The following MAST4 variants were observed in gnomAD, a reference collection of about 807,000 sequenced individuals.
The protein encoded by MAST4 is microtubule-associated serine/threonine-protein kinase 4.
Under a neutral mutation model 162.7 loss-of-function variants are expected in MAST4, and 89 were observed. The ratio of observed to expected loss-of-function variants is 0.55; its 90% CI spans 0.46 to 0.65. MAST4 has a LOEUF of 0.65. MAST4 is among the 30% of genes least tolerant of loss of function. The pLI is 0.00. For synonymous variants in MAST4, 1,479 were observed against 1,361.1 expected (o/e 1.09, Z -1.91); for missense variants, 3,153 against 3,374.0 (o/e 0.93, Z 1.62).
intron 3 of MAST4, among the ~76,000 whole-genome samples, chr5:66,872,493 T>C (rs1399663527): frequency 6.6e-6 from 1 of 152,114 alleles, no homozygotes; most frequent in African/African-American, 2.4e-5. Context: ...AATCCATAAA[T>C]ATATTACATT....
intron 1 of MAST4, among the ~76,000 whole-genome samples, chr5:66,722,250 C>T (rs1333980160): frequency 6.6e-6 from 1 of 152,144 alleles, no homozygotes; most frequent in Non-Finnish European, 1.5e-5. Flanking sequence ...CCGCTCCAGC[C>T]ATATGCTTTC....
At chr5:67,040,725 G>A (rs1397583810) in intron 4 of MAST4, among the ~76,000 whole-genome samples, 7 of 152,224 alleles carry the variant, frequency 4.6e-5, no homozygotes, top group African/African-American at 1.7e-4. Context: ...TAGTTACCAA[G>A]CTCATGTGAT....
intron 4 of MAST4, among the ~76,000 whole-genome samples, chr5:67,036,708 T>C (rs1756062002): frequency 6.6e-6 from 1 of 152,072 alleles, no homozygotes; most frequent in South Asian, 2.1e-4. Context: ...AAGAAAAAAA[T>C]TGTATGTGTT....
chr5:66,941,213 T>C (rs1381730758), intron 4 of MAST4, among the ~76,000 whole-genome samples: 1 of 152,120 alleles, frequency 6.6e-6, no homozygotes, highest in Non-Finnish European at 1.5e-5. Flanking sequence ...AGTCACCAGT[T>C]GCATTAGTTC....
intron 1 of MAST4, among the ~76,000 whole-genome samples, chr5:66,647,209 G>T (rs1394393995): frequency 6.6e-6 from 1 of 152,086 alleles, no homozygotes; most frequent in Non-Finnish European, 1.5e-5. Context: ...TTGGCTCCAG[G>T]ATCACTGATT....
intron 4 of MAST4, among the ~76,000 whole-genome samples, chr5:66,975,653 A>G (rs1748051857): frequency 6.6e-6 from 1 of 152,158 alleles, no homozygotes. Context: ...GAGAGTCAGA[A>G]CATGACCAGT....
intron 1 of MAST4, among the ~76,000 whole-genome samples, chr5:66,637,559 T>C (rs574623747): frequency 6.6e-6 from 1 of 152,228 alleles, no homozygotes; most frequent in Non-Finnish European, 1.5e-5. Context: ...ATTTTTAGAG[T>C]ATTGATGTAT....
chr5:66,956,009 G>T (rs1189991816), intron 4 of MAST4, among the ~76,000 whole-genome samples: 1 of 151,474 alleles, frequency 6.6e-6, no homozygotes, highest in Non-Finnish European at 1.5e-5. Flanking sequence ...TTTTGGTAAA[G>T]ACAGGGTCTT....
intron 1 of MAST4, among the ~76,000 whole-genome samples, chr5:66,643,878 G>GTTTTTTTTTTTT (rs71610525): frequency 1.4e-5 from 2 of 141,966 alleles, no homozygotes; most frequent in Non-Finnish European, 1.5e-5. Flanking sequence ...AATAGCTTGT[G>GTTTTTTTTTTTT]TTTTTTTTTT....
Position 66,975,774 on chromosome 5 carries a change from A to T in MAST4, c.674+75792A>T, listed in dbSNP as rs188115086. On this transcript the variant is annotated intron_variant, in intron 4 of 28. Transcript: ENST00000403625. ...TTTGGGAGGCCGAAGCAGGTGGATC[A>T]CCTGAGGTCAGGAGTTCAAGACCAG... Among the ~76,000 whole-genome samples, 727 of 152,174 alleles carry T rather than the reference A, an allele frequency of 4.8e-3. 6 individuals carry two copies. Among genetic ancestry groups the T allele is most frequent in the African/African-American group, 0.017 (697 of 41,510 alleles).
At chr5:67,005,215 C>G (rs1751864321) in intron 4 of MAST4, 1 of 666,138 alleles carries the variant, frequency 1.5e-6, no homozygotes, top group Non-Finnish European at 2.8e-6. Flanking sequence ...AGTTTATGCC[C>G]CGCTAGGGGA....
chr5:67,016,848 C>T (rs977945455), intron 4 of MAST4, among the ~76,000 whole-genome samples: 1 of 152,150 alleles, frequency 6.6e-6, no homozygotes, highest in Non-Finnish European at 1.5e-5. Flanking sequence ...TTTCAAAATC[C>T]ATGCCGATCT....
intron 19 of MAST4, among the ~76,000 whole-genome samples, chr5:67,137,092 G>A (rs186146388): frequency 1.1e-4 from 16 of 152,200 alleles, no homozygotes; most frequent in South Asian, 4.1e-4. Flanking sequence ...GACCCAGCAC[G>A]TTACTATACA....
chr5:66,611,720 G>T (rs1342622802), intron 1 of MAST4, among the ~76,000 whole-genome samples: 1 of 152,204 alleles, frequency 6.6e-6, no homozygotes, highest in South Asian at 2.1e-4. Flanking sequence ...TGCTCGCTTT[G>T]TACTCCTGAA....
chr5:66,939,476 G>T (rs761726855), intron 4 of MAST4, among the ~76,000 whole-genome samples: 1 of 151,932 alleles, frequency 6.6e-6, no homozygotes, highest in Admixed American at 6.6e-5. Flanking sequence ...AATTTAATTT[G>T]AATTTCACTA....
In MAST4 at chr5:67,166,501, C is replaced by T. The variant is rs1432164779; in HGVS notation, c.7322C>T (p.Pro2441Leu). The T allele has an allele frequency of 6.2e-7, 1 of 1,605,866 alleles. No homozygotes were observed. Among genetic ancestry groups the T allele is most frequent in the South Asian group, 1.1e-5 (1 of 89,452 alleles). Reference sequence around the variant, plus strand: ...AAGCCCAATGGCATGAAACGGTCCCCCTCAGCCACTGGGCAGAGTTCTTTC... The same window carrying T: ...AAGCCCAATGGCATGAAACGGTCCCTCTCAGCCACTGGGCAGAGTTCTTTC... ...ADKPNGMKRSPSATGQSSFRS... is the reference protein window; with the variant it reads ...ADKPNGMKRSLSATGQSSFRS... The change falls in exon 29 of 29, where the codon CCC (proline) becomes CTC (leucine). Residue 2441 changes from proline to leucine, a missense_variant. By Grantham distance (98) the Pro-to-Leu change is moderately conservative. Transcript: ENST00000403625.
At chr5:66,979,704 C>A (rs1748553201) in intron 4 of MAST4, among the ~76,000 whole-genome samples, 1 of 152,180 alleles carries the variant, frequency 6.6e-6, no homozygotes, top group Non-Finnish European at 1.5e-5. Context: ...TTTTCACACT[C>A]CAGACACACT....
chr5:66,845,058 A>G (rs1758715485), intron 3 of MAST4, among the ~76,000 whole-genome samples: 1 of 138,594 alleles, frequency 7.2e-6, no homozygotes, highest in African/African-American at 2.8e-5. Context: ...CTGGAAAATA[A>G]CACTGACCCA....
intron 4 of MAST4, among the ~76,000 whole-genome samples, chr5:66,955,160 C>T (rs116654700): frequency 2.2e-3 from 334 of 148,882 alleles, no homozygotes; most frequent in African/African-American, 8.0e-3. Flanking sequence ...TGCAGTGAGC[C>T]GTAATAGTGC....
Sources: allele counts gnomAD v4.1 joint callset (sites outside exome capture counted in the v4.1 genomes callset), GRCh38; gene constraint gnomAD v4.1.1; transcripts MANE v1.5; gene names NCBI Gene and HGNC (gene_info 2026-07-23, HGNC 2026-07-21).